UIMC1: variants seen among roughly 807,000 people sequenced by gnomAD.
UIMC1 encodes the protein BRCA1-A complex subunit RAP80.
A neutral mutation model predicts 84.9 loss-of-function variants in UIMC1; 42 were observed. The observed-to-expected ratio is 0.49, with a 90% confidence interval of 0.39 to 0.64. UIMC1 has a LOEUF of 0.64. Ranked by LOEUF, UIMC1 falls within the 30% of genes least tolerant of loss-of-function variation. The pLI, the probability that UIMC1 is intolerant of heterozygous loss-of-function variation, is 0.00. For missense variants in UIMC1, 825 were observed against 847.6 expected, an observed-to-expected ratio of 0.97 and a Z score of 0.33; for synonymous variants, 281 against 293.0, an observed-to-expected ratio of 0.96 and a Z score of 0.42.
At chr5:176,912,167 T>C (rs1466976332) in intron 10 of UIMC1, among the ~76,000 whole-genome samples, 1 of 152,228 alleles carries the variant, frequency 6.6e-6, no homozygotes, top group Non-Finnish European at 1.5e-5. Context: ...GTGAAGCATT[T>C]ATCTAGTCCA....
chr5:176,984,290 CGG>C (rs1200604570), intron 1 of UIMC1, among the ~76,000 whole-genome samples: 1 of 107,384 alleles, frequency 9.3e-6, no homozygotes. Context: ...GCGCCTCTGC[CGG>C]CCGCCACCCC....
intron 1 of UIMC1, among the ~76,000 whole-genome samples, chr5:177,014,611 C>T (rs542167897): frequency 6.6e-6 from 1 of 152,058 alleles, no homozygotes; most frequent in Non-Finnish European, 1.5e-5. Context: ...GCAGGAGAAT[C>T]GCTTGAACCT....
chr5:176,928,658 T>C (rs117470696), intron 10 of UIMC1, among the ~76,000 whole-genome samples: 1 of 152,312 alleles, frequency 6.6e-6, no homozygotes, highest in East Asian at 1.9e-4. Context: ...TTTGGTGGTA[T>C]TAAAAATTAT....
chr5:176,938,942 A>G (rs1764065170), intron 10 of UIMC1, among the ~76,000 whole-genome samples: 1 of 151,804 alleles, frequency 6.6e-6, no homozygotes, highest in Non-Finnish European at 1.5e-5. Context: ...CATAAGGCCT[A>G]GCACCATTTA....
intron 8 of UIMC1, among the ~76,000 whole-genome samples, chr5:176,954,394 G>A (rs1247608955): frequency 1.3e-5 from 2 of 151,754 alleles, no homozygotes; most frequent in African/African-American, 4.8e-5. Context: ...GTATTGTTAG[G>A]CAGTAATCCA....
At chr5:176,959,759 C>G (rs1236732612) in intron 6 of UIMC1, among the ~76,000 whole-genome samples, 2 of 151,016 alleles carry the variant, frequency 1.3e-5, no homozygotes, top group Non-Finnish European at 2.9e-5. Context: ...TGGCCAGGCG[C>G]GGTGGCTCAC....
chr5:176,993,536 G>A (rs946952946), intron 1 of UIMC1, among the ~76,000 whole-genome samples: 3 of 151,964 alleles, frequency 2.0e-5, no homozygotes, highest in Admixed American at 6.6e-5. Context: ...ATCATGGCAC[G>A]AATATACCTA....
intron 10 of UIMC1, among the ~76,000 whole-genome samples, chr5:176,935,136 C>T (rs2454951): frequency 0.27 from 41,676 of 151,956 alleles, 5,760 homozygotes; most frequent in Middle Eastern, 0.35. Flanking sequence ...AATGCTGTTC[C>T]ATAATGTAGA....
In UIMC1 at chr5:176,906,540, G is replaced by T. The variant is rs1054304574; in HGVS notation, c.1913-493C>A. Among the ~76,000 whole-genome samples the T allele has an allele frequency of 5.3e-5, 8 of 152,322 alleles. No homozygotes were observed. In the South Asian group the frequency reaches 6.2e-4, roughly 12 times the overall value. ...TTAACAATAGCGACTAATAACAACA[G>T]TAATAATAGCAGCTAACATTTATCA... On this transcript the variant is annotated intron_variant, in intron 13 of 14. Coordinates refer to ENST00000511320, the MANE Select transcript of UIMC1 (RefSeq NM_001199298.2).
At chr5:176,923,136 T>C (rs1761909516) in intron 10 of UIMC1, among the ~76,000 whole-genome samples, 1 of 152,242 alleles carries the variant, frequency 6.6e-6, no homozygotes, top group South Asian at 2.1e-4. Context: ...ACTACCAACA[T>C]AATCACGTAA....
chr5:176,908,521 A>G lies in UIMC1; in HGVS notation c.1848+2T>C. 1.2e-6 allele frequency: 2 copies of G among 1,612,862 alleles called. No homozygotes were observed. Among genetic ancestry groups the G allele is most frequent in the Non-Finnish European group, 1.7e-6 (2 of 1,179,626 alleles). On this transcript the variant is annotated splice_donor_variant, in intron 12 of 14. Coordinates refer to ENST00000511320, the MANE Select transcript of UIMC1 (RefSeq NM_001199298.2). LOFTEE classifies it high-confidence loss of function. ...GCCTTTCCCAAAACACTCTACACAT[A>G]CCTTTGGGTTCTTCAGCCTCTGCTG... is the stretch of plus-strand genomic sequence containing the variant.
At chr5:177,002,650 A>G (rs1774696127) in intron 1 of UIMC1, among the ~76,000 whole-genome samples, 1 of 152,164 alleles carries the variant, frequency 6.6e-6, no homozygotes, top group South Asian at 2.1e-4. Flanking sequence ...AAATACAAAG[A>G]ATCAACCGGG....
At chr5:176,965,938 G>A (rs1438075125) in intron 6 of UIMC1, among the ~76,000 whole-genome samples, 1 of 152,166 alleles carries the variant, frequency 6.6e-6, no homozygotes, top group Admixed American at 6.5e-5. Flanking sequence ...ATTTTAAGAA[G>A]CAGCATCTCC....
At chr5:177,014,266 C>A (rs969177802) in intron 1 of UIMC1, among the ~76,000 whole-genome samples, 4 of 151,802 alleles carry the variant, frequency 2.6e-5, no homozygotes, top group Admixed American at 2.6e-4. Flanking sequence ...GTTGGCCTGG[C>A]TGGTCTCGAA....
chr5:176,953,516 A>G (rs951026399), intron 8 of UIMC1, among the ~76,000 whole-genome samples: 1 of 151,476 alleles, frequency 6.6e-6, no homozygotes, highest in Non-Finnish European at 1.5e-5. Flanking sequence ...ACACACACAC[A>G]CACACACACA....
At chr5:176,930,481 CTTTTAT>C (rs1290128024) in intron 10 of UIMC1, among the ~76,000 whole-genome samples, 3 of 152,142 alleles carry the variant, frequency 2.0e-5, no homozygotes, top group Admixed American at 6.5e-5. Context: ...TCAGCTTCCT[CTTTTAT>C]AAGTGAAATA....
At position 176,975,469 on chromosome 5, in the gene UIMC1, C is replaced by T. The variant is rs771008571; in HGVS notation, c.159G>A (p.Glu53=). ...TCTTCGTTTTCTGCAACCCATTTTC[C>T]TCCTTTGGTTCCTGTTGCAAAACAA... The part of the protein sequence containing the change: ...ISDSDGEEPK[E]ENGLQKTKTK... Residue 53 remains glutamate (E), a synonymous_variant, in exon 3 of 15, where the codon GAG becomes GAA. Transcript: ENST00000511320. 3.1e-6 allele frequency: 5 copies of T among 1,614,010 alleles called. No homozygotes were observed. In the South Asian group the frequency reaches 4.4e-5, roughly 14 times the overall value.
At chr5:176,965,093 C>CAGT (rs1768073072) in intron 6 of UIMC1, among the ~76,000 whole-genome samples, 1 of 152,066 alleles carries the variant, frequency 6.6e-6, no homozygotes, top group African/African-American at 2.4e-5. Flanking sequence ...ATCAGATGCC[C>CAGT]AGTACCTTCT....
rs1044024584 is a variant in UIMC1, at chr5:176,997,703, A to C, written c.-9+8947T>G. On this transcript the variant is annotated intron_variant, in intron 1 of 14. Transcript: ENST00000511320. ...CTGTCTCAAAAAAAAAAAAAAAAAAAAACCCATTTCAATGGTTTCCCACTA... is the reference window on the plus strand; with the variant it reads ...CTGTCTCAAAAAAAAAAAAAAAAAACAACCCATTTCAATGGTTTCCCACTA... 3.1e-4 allele frequency among the ~76,000 whole-genome samples: 47 copies of C among 151,694 alleles called. 1 individual carries two copies. Among genetic ancestry groups the C allele is most frequent in the African/African-American group, 1.1e-3 (46 of 41,310 alleles).
Sources: gnomAD v4.1 joint callset for allele counts (sites outside exome capture counted in the v4.1 genomes callset) on GRCh38, gnomAD v4.1.1 for gene constraint, MANE v1.5 for transcripts, NCBI Gene and HGNC (gene_info 2026-07-23, HGNC 2026-07-21) for gene names.